ANKRD27: variants seen among roughly 807,000 people sequenced by gnomAD.
ANKRD27 encodes ankyrin repeat domain-containing protein 27.
Under a neutral mutation model 129.7 loss-of-function variants are expected in ANKRD27, and 112 were observed. That is an observed-to-expected ratio of 0.86 (90% CI 0.74 to 1.01). The LOEUF (loss-of-function observed/expected upper bound fraction) is 1.01, where lower values mean the gene tolerates loss of function less well. Among genes scored for constraint, ANKRD27 ranks in the 50% least tolerant of loss-of-function variants. The pLI, the probability that ANKRD27 is intolerant of heterozygous loss-of-function variation, is 0.00. For synonymous variants in ANKRD27, 516 were observed against 511.2 expected (o/e 1.01, Z -0.13); for missense variants, 1,258 against 1,300.5 (o/e 0.97, Z 0.50).
chr19:32,650,656 C>T (rs1412630062), intron 2 of ANKRD27, among the ~76,000 whole-genome samples: 2 of 146,224 alleles, frequency 1.4e-5, no homozygotes, highest in Admixed American at 7.0e-5. Flanking sequence ...CCAGCCTGGG[C>T]TGCAGAGCAA....
intron 2 of ANKRD27, 88 bp downstream of exon 2, chr19:32,658,826 A>G: frequency 8.6e-7 from 1 of 1,167,218 alleles, no homozygotes; most frequent in South Asian, 1.2e-5. Context: ...CTGAGTTTAT[A>G]ACAAACTCCC....
At chr19:32,642,939 A>G (rs1599760593) in intron 9 of ANKRD27, 184 bp downstream of exon 9, 3 of 603,050 alleles carry the variant, frequency 5.0e-6, no homozygotes, top group Non-Finnish European at 8.6e-6. Context: ...TGGGAGGGGG[A>G]CGGCCACACA....
intron 1 of ANKRD27, among the ~76,000 whole-genome samples, chr19:32,669,353 A>G (rs1374987606): frequency 6.6e-6 from 1 of 152,198 alleles, no homozygotes; most frequent in East Asian, 1.9e-4. Flanking sequence ...AGCTATTTGA[A>G]TCATTAAATT....
intron 2 of ANKRD27, 54 bp from the exon 3 acceptor site, chr19:32,649,846 GCA>G: frequency 8.4e-7 from 1 of 1,190,454 alleles, no homozygotes; most frequent in Non-Finnish European, 1.3e-6. Context: ...TACCACCTCA[GCA>G]GAACAAGGTG....
intron 1 of ANKRD27, among the ~76,000 whole-genome samples, chr19:32,662,901 G>A (rs1967673513): frequency 6.6e-6 from 1 of 152,070 alleles, no homozygotes; most frequent in South Asian, 2.1e-4. Context: ...AATTAGCCAG[G>A]CGTGATGGCA....
chr19:32,670,309 C>T (rs1967843316), intron 1 of ANKRD27, among the ~76,000 whole-genome samples: 1 of 152,194 alleles, frequency 6.6e-6, no homozygotes, highest in Non-Finnish European at 1.5e-5. Context: ...ATTCAAAGAG[C>T]TCTGTCCTTT....
intron 13 of ANKRD27, among the ~76,000 whole-genome samples, chr19:32,630,597 C>T (rs1332793271): frequency 6.6e-6 from 1 of 152,210 alleles, no homozygotes; most frequent in African/African-American, 2.4e-5. Context: ...CCTGCGCCCA[C>T]AGTGTGCCGC....
intron 12 of ANKRD27, chr19:32,636,537 C>G (rs1559180): frequency 6.7e-6 from 1 of 150,312 alleles, no homozygotes; most frequent in Admixed American, 6.6e-5. Flanking sequence ...TGTGTATGCA[C>G]AGAAAAAAAG....
At position 32,615,697 on chromosome 19, in the gene ANKRD27, G is replaced by T; in HGVS notation, c.2136C>A (p.His712Gln). 6.2e-7 allele frequency: 1 copy of T among 1,614,214 alleles called. No individual in the cohort carries two copies. Among genetic ancestry groups the T allele is most frequent in the Non-Finnish European group, 8.5e-7 (1 of 1,180,044 alleles). ...CACACTTGGGGCACTGGCACAACGGGTGACAGAATTCGGGGTCCGCTGCAC... is the reference window on the plus strand; with the variant it reads ...CACACTTGGGGCACTGGCACAACGGTTGACAGAATTCGGGGTCCGCTGCAC... ...TVSAADPEFC[H>Q]PLCQCPKCAP... Residue 712 changes from histidine to glutamine, a missense_variant, in exon 22 of 29, where the codon CAC (histidine) becomes CAA (glutamine). His to Gln is a conservative substitution (Grantham distance 24). Coordinates refer to ENST00000306065, the MANE Select transcript of ANKRD27 (RefSeq NM_032139.3).
At chr19:32,636,473 T>C (rs563556294) in intron 12 of ANKRD27, 1 of 141,258 alleles carries the variant, frequency 7.1e-6, no homozygotes, top group South Asian at 2.2e-4. Flanking sequence ...ATGCAAGAAA[T>C]GAACGAATAA....
At chr19:32,662,311 CAAAA>C (rs34066529) in intron 1 of ANKRD27, among the ~76,000 whole-genome samples, 3 of 38,006 alleles carry the variant, frequency 7.9e-5, no homozygotes, top group South Asian at 1.6e-3. Context: ...ACTCAGTCTC[CAAAA>C]AAAAAAAAAA....
chr19:32,646,699 C>CCAGACCCTACGGCCTT lies in ANKRD27; in HGVS notation c.214-100_214-85dup, dbSNP rs1333322914. 4 of 1,452,816 alleles carry CCAGACCCTACGGCCTT rather than the reference C, an allele frequency of 2.8e-6. No individual in the cohort carries two copies. The African/African-American group carries it at 4.2e-5, about 15-fold the overall frequency. The allele number at this position is 1,452,816 out of a possible 1,614,324, so 90.0% of individuals were successfully genotyped here. A position where few individuals can be genotyped will look rare whatever the true frequency, so the allele number is the denominator to read the frequency against. Reference sequence around the variant, plus strand: ...GCCTGGCCCCCGATGCAGCACTTAACCAGACCCTACGGCCTTCACCCCATT... The same window carrying CCAGACCCTACGGCCTT: ...GCCTGGCCCCCGATGCAGCACTTAACCAGACCCTACGGCCTTCAGACCCTACGGCCTTCACCCCATT... On this transcript the variant is annotated intron_variant, in intron 3 of 28. Coordinates refer to ENST00000306065, the MANE Select transcript of ANKRD27 (RefSeq NM_032139.3).
At chr19:32,632,710 C>T (rs528212730) in intron 12 of ANKRD27, among the ~76,000 whole-genome samples, 11 of 152,178 alleles carry the variant, frequency 7.2e-5, no homozygotes, top group Admixed American at 5.2e-4. Flanking sequence ...ATGACAAATT[C>T]GCTTCCTGAA....
intron 21 of ANKRD27, 143 bp from the exon 22 acceptor site, chr19:32,615,923 C>T (rs1228771852): frequency 6.2e-6 from 7 of 1,125,376 alleles, no homozygotes; most frequent in Non-Finnish European, 8.7e-6. Context: ...CCGGCTTCTG[C>T]TCCCTCATGA....
intron 13 of ANKRD27, among the ~76,000 whole-genome samples, chr19:32,629,196 C>A (rs950258853): frequency 6.6e-6 from 1 of 151,654 alleles, no homozygotes; most frequent in Non-Finnish European, 1.5e-5. Context: ...GTTGGGATTA[C>A]AGGCGTGAGC....
At chr19:32,642,212 G>C in intron 9 of ANKRD27, 67 bp from the exon 10 acceptor site, 18 of 1,343,634 alleles carry the variant, frequency 1.3e-5, no homozygotes, top group South Asian at 1.1e-4. Context: ...CTGGATCTAA[G>C]AACACATCTC....
At chr19:32,674,143 C>G (rs963680413) in intron 1 of ANKRD27, among the ~76,000 whole-genome samples, 1 of 151,874 alleles carries the variant, frequency 6.6e-6, no homozygotes, top group Non-Finnish European at 1.5e-5. Context: ...GCCAACAGAG[C>G]CAGACCCTGT....
At chr19:32,604,150 C>T (rs765349218) in intron 25 of ANKRD27, 113 bp downstream of exon 25, 40 of 1,268,680 alleles carry the variant, frequency 3.2e-5, no homozygotes, top group Admixed American at 5.1e-5. Flanking sequence ...ACGCCCAGCC[C>T]GGCGATGCCA....
chr19:32,644,239 C>A lies in ANKRD27; in HGVS notation c.525+86G>T, dbSNP rs1001131632. On this transcript the variant is annotated intron_variant, in intron 5 of 28. Coordinates refer to ENST00000306065, the MANE Select transcript of ANKRD27 (RefSeq NM_032139.3). Reference sequence around the variant, plus strand: ...CTTCAAACAGTGAGGCAGCACCAGGCAGTTCCAGAGGAAACTGAGGGCTCC... The same window carrying A: ...CTTCAAACAGTGAGGCAGCACCAGGAAGTTCCAGAGGAAACTGAGGGCTCC... 14 of 1,431,426 alleles carry A rather than the reference C, an allele frequency of 9.8e-6. No homozygotes were observed. The African/African-American group carries it at 2.0e-4, about 20-fold the overall frequency. The allele number at this position is 1,431,426 out of a possible 1,614,324, so 88.7% of individuals were successfully genotyped here. A position where few individuals can be genotyped will look rare whatever the true frequency, so the allele number is the denominator to read the frequency against.
Sources: allele counts gnomAD v4.1 joint callset (sites outside exome capture counted in the v4.1 genomes callset), GRCh38; gene constraint gnomAD v4.1.1; transcripts MANE v1.5; gene names NCBI Gene and HGNC (gene_info 2026-07-23, HGNC 2026-07-21).